The following C12orf42 variants were observed in gnomAD, a reference collection of about 807,000 sequenced individuals.
C12orf42 encodes the protein uncharacterized protein C12orf42.
In C12orf42, 25 loss-of-function variants were observed where a neutral mutation model predicts 21.6. The ratio of observed to expected loss-of-function variants is 1.16; its 90% confidence interval spans 0.84 to 1.62. The LOEUF (loss-of-function observed/expected upper bound fraction) is 1.62. Ranked by LOEUF, C12orf42 falls within the 40% of genes most tolerant of loss-of-function variation. The pLI, the probability that C12orf42 is intolerant of heterozygous loss-of-function variation, is 0.00. For missense variants in C12orf42, 483 were observed against 459.3 expected (o/e 1.05, Z -0.47); for synonymous variants, 174 against 175.0 (o/e 0.99, Z 0.05).
the C12orf42 span, chr12:103,505,052 G>A: frequency 3.3e-5 from 10 of 306,442 alleles, no homozygotes; most frequent in South Asian, 3.6e-4. Context: ...GGAGTGGGAA[G>A]TGAGAGACAC....
intron 2 of C12orf42, among the ~76,000 whole-genome samples, chr12:103,439,896 T>C (rs1463932579): frequency 2.0e-5 from 3 of 149,628 alleles, no homozygotes; most frequent in African/African-American, 7.3e-5. Flanking sequence ...GACCCAGCCA[T>C]CCCATTACTG....
intron 3 of C12orf42, among the ~76,000 whole-genome samples, chr12:103,378,118 C>T (rs1004860100): frequency 2.6e-5 from 4 of 152,146 alleles, no homozygotes; most frequent in African/African-American, 4.8e-5. Flanking sequence ...AGCTCCTACA[C>T]AACCACCAAA....
the C12orf42 span, among the ~76,000 whole-genome samples, chr12:103,056,497 TG>T: frequency 6.6e-6 from 1 of 152,194 alleles, no homozygotes; most frequent in Non-Finnish European, 1.5e-5. Context: ...TGACAAATTC[TG>T]AAAGTTCTCA....
At chr12:103,293,682 A>T (rs2036965271) in intron 4 of C12orf42, among the ~76,000 whole-genome samples, 1 of 152,176 alleles carries the variant, frequency 6.6e-6, no homozygotes, top group Admixed American at 6.5e-5. Flanking sequence ...TAAGCTACAT[A>T]TTATGGAATG....
At chr12:103,446,394 C>T (rs561797560) in intron 2 of C12orf42, among the ~76,000 whole-genome samples, 36 of 151,998 alleles carry the variant, frequency 2.4e-4, no homozygotes, top group African/African-American at 8.0e-4. Flanking sequence ...TGAAATACAC[C>T]AAAATAGAAC....
At chr12:103,155,582 G>C in the C12orf42 span, among the ~76,000 whole-genome samples, 1 of 151,602 alleles carries the variant, frequency 6.6e-6, no homozygotes, top group Non-Finnish European at 1.5e-5. Context: ...GATGCTCATG[G>C]CTAATTCAGG....
chr12:103,335,627 C>A (rs1197588292), intron 4 of C12orf42, among the ~76,000 whole-genome samples: 10 of 152,182 alleles, frequency 6.6e-5, no homozygotes, highest in Non-Finnish European at 1.0e-4. Context: ...GACATACAAA[C>A]CCTGAGAAAA....
At chr12:103,375,774 C>A (rs1293522272) in intron 3 of C12orf42, among the ~76,000 whole-genome samples, 2 of 152,138 alleles carry the variant, frequency 1.3e-5, no homozygotes, top group African/African-American at 2.4e-5. Flanking sequence ...CTGGGCTCCA[C>A]AAATTATGTA....
intron 3 of C12orf42, among the ~76,000 whole-genome samples, chr12:103,382,507 C>T (rs928127362): frequency 6.6e-6 from 1 of 152,148 alleles, no homozygotes; most frequent in Non-Finnish European, 1.5e-5. Flanking sequence ...AGCCCATATG[C>T]TTTTGCTTTG....
In C12orf42 at chr12:103,302,109, C is replaced by A; in HGVS notation, c.1082G>T (p.Ter361LeuextTer36). 1.9e-6 allele frequency: 3 copies of A among 1,589,594 alleles called. No homozygotes were observed. Among genetic ancestry groups the A allele is most frequent in the South Asian group, 2.2e-5 (2 of 89,386 alleles). The change falls in exon 6 of 6, where the codon TGA becomes TTA. Residue 361 changes from the stop codon to leucine (L), a stop_lost. Coordinates refer to ENST00000548883, the MANE Select transcript of C12orf42 (RefSeq NM_198521.5). Reference protein sequence around the residue: ...SRPVVNAHLH* With the variant: ...SRPVVNAHLHL ...CGCCGAACAATTCCCTCGCAGCGGT[C>A]AATGTAAGTGAGCATTCACCACCGG...
chr12:103,223,744 G>A, the C12orf42 span, among the ~76,000 whole-genome samples: 37 of 152,024 alleles, frequency 2.4e-4, no homozygotes, highest in Admixed American at 2.4e-3. Context: ...ATGAGACTGG[G>A]GCCTAATAAA....
the C12orf42 span, among the ~76,000 whole-genome samples, chr12:103,158,873 CAA>C: frequency 0.36 from 39,751 of 109,562 alleles, 5,499 homozygotes; most frequent in East Asian, 0.48. Context: ...GAGCAAGACT[CAA>C]AAAAAAAAAA....
At chr12:103,477,281 A>C (rs765993365) in intron 2 of C12orf42, among the ~76,000 whole-genome samples, 3 of 152,102 alleles carry the variant, frequency 2.0e-5, no homozygotes, top group Non-Finnish European at 2.9e-5. Context: ...AGATATGAAC[A>C]AAGTATTGGA....
At chr12:103,382,745 T>C (rs1017807778) in intron 3 of C12orf42, among the ~76,000 whole-genome samples, 1 of 152,228 alleles carries the variant, frequency 6.6e-6, no homozygotes, top group Non-Finnish European at 1.5e-5. Context: ...TACCTTTCTT[T>C]CTCTTCCATC....
rs148059446 is a variant in C12orf42, at chr12:103,381,805, T to C, written c.148-12807A>G. Among the ~76,000 whole-genome samples, 1,365 of 152,198 alleles carry C rather than the reference T, an allele frequency of 9.0e-3. 103 individuals carry two copies. In the East Asian group the frequency reaches 0.18, roughly 20 times the overall value. On this transcript the variant is annotated intron_variant, in intron 3 of 5. Coordinates refer to ENST00000548883, the MANE Select transcript of C12orf42 (RefSeq NM_198521.5). ...GGTGGTGGGTGCTTTTAGTCCCAGC[T>C]ACTCGGGAGGCTGAGGCAGGAGAAT...
intron 4 of C12orf42, among the ~76,000 whole-genome samples, chr12:103,316,569 TAA>T (rs1292883015): frequency 1.3e-5 from 2 of 152,142 alleles, no homozygotes; most frequent in Non-Finnish European, 2.9e-5. Context: ...TTGATTGATC[TAA>T]AAAGTAACTG....
the C12orf42 span, among the ~76,000 whole-genome samples, chr12:103,094,632 T>A: frequency 6.6e-6 from 1 of 152,232 alleles, no homozygotes; most frequent in Non-Finnish European, 1.5e-5. Context: ...TATATGTACA[T>A]GTTTTATTTA....
chr12:103,531,219 A>G, the C12orf42 span, among the ~76,000 whole-genome samples: 3 of 152,242 alleles, frequency 2.0e-5, no homozygotes, highest in Non-Finnish European at 2.9e-5. Flanking sequence ...TCTTGATGAC[A>G]TTAAAAATAA....
intron 2 of C12orf42, among the ~76,000 whole-genome samples, chr12:103,430,722 A>C (rs11111572): frequency 0.59 from 89,086 of 152,046 alleles, 28,167 homozygotes; most frequent in Admixed American, 0.71. Flanking sequence ...CCAAATACCC[A>C]TCAATGATAG....
Sources: gnomAD v4.1 joint callset for allele counts (sites outside exome capture counted in the v4.1 genomes callset) on GRCh38, gnomAD v4.1.1 for gene constraint, MANE v1.5 for transcripts, NCBI Gene and HGNC (gene_info 2026-07-23, HGNC 2026-07-21) for gene names.